GNG7: variants seen among roughly 807,000 people sequenced by gnomAD.
The protein encoded by GNG7 is guanine nucleotide-binding protein G(I)/G(S)/G(O) subunit gamma-7.
Under a neutral mutation model 4.0 loss-of-function variants are expected in GNG7, and 1 was observed. The ratio of observed to expected loss-of-function variants is 0.25; its 90% CI spans 0.09 to 1.18. The LOEUF (loss-of-function observed/expected upper bound fraction) is 1.18, where lower values mean the gene tolerates loss of function less well. Among genes scored for constraint, GNG7 ranks in the 50% most tolerant of loss-of-function variants. The pLI, the probability that GNG7 is intolerant of heterozygous loss-of-function variation, is 0.50. For synonymous variants in GNG7, 34 were observed against 36.9 expected, an observed-to-expected ratio of 0.92 and a Z score of 0.29; for missense variants, 86 against 91.9, an observed-to-expected ratio of 0.94 and a Z score of 0.26.
chr19:2,614,147 A>G lies in GNG7; in HGVS notation c.-78+32077T>C, dbSNP rs1568263214. On this transcript the variant is annotated intron_variant, in intron 2 of 4. Coordinates refer to ENST00000382159, the MANE Select transcript of GNG7 (RefSeq NM_052847.3). The surrounding 1 kb of genome is among the most constrained non-coding windows in gnomAD (Gnocchi z 6.0). ...CCACCCGGTGAACGGCACTGGGAGC[A>G]GACTCAAGAGGCTCGAGAGGTCCCA... is the stretch of plus-strand genomic sequence containing the variant. Among the ~76,000 whole-genome samples the G allele has an allele frequency of 6.6e-6, 1 of 152,184 alleles. No homozygotes were observed. Among genetic ancestry groups the G allele is most frequent in the Non-Finnish European group, 1.5e-5 (1 of 68,024 alleles).
At chr19:2,652,144 T>C (rs1334354798) in intron 1 of GNG7, among the ~76,000 whole-genome samples, 1 of 151,262 alleles carries the variant, frequency 6.6e-6, no homozygotes, top group Non-Finnish European at 1.5e-5. Flanking sequence ...TACTGCACTC[T>C]AGCCTGGACG....
rs540268423 is a variant in GNG7, at chr19:2,650,460, G to A, written c.-134-4180C>T. The stretch of plus-strand genomic sequence containing the variant: ...AGCCTTGGCCTCCCGAAGTTGTTGG[G>A]ATTACAGGCAACAATGATTCCCAGC... On this transcript the variant is annotated intron_variant, in intron 1 of 4. Transcript: ENST00000382159. Among the ~76,000 whole-genome samples the A allele has an allele frequency of 9.9e-3, 1,507 of 152,232 alleles. 16 individuals are homozygous for A. The highest frequency in any genetic ancestry group is 0.013 in the Non-Finnish European group (876 of 68,008).
chr19:2,518,109 C>A (rs940055321), intron 4 of GNG7, among the ~76,000 whole-genome samples: 3 of 152,218 alleles, frequency 2.0e-5, no homozygotes, highest in African/African-American at 7.2e-5. Context: ...GGCACCACCC[C>A]CCATGCCCAC....
intron 1 of GNG7, among the ~76,000 whole-genome samples, chr19:2,649,390 A>ATTATTATTATT (rs1982749681): frequency 6.9e-6 from 1 of 145,796 alleles, no homozygotes; most frequent in Non-Finnish European, 1.5e-5. Context: ...CACCCCTAGG[A>ATTATTATTATT]ATTATTATTA....
chr19:2,571,741 G>A (rs1599398284), intron 2 of GNG7, among the ~76,000 whole-genome samples: 1 of 151,630 alleles, frequency 6.6e-6, no homozygotes, highest in African/African-American at 2.4e-5. Flanking sequence ...GATTATAGGC[G>A]AGTGCCACCA....
At chr19:2,556,530 C>T (rs529069536) in intron 2 of GNG7, among the ~76,000 whole-genome samples, 2 of 152,308 alleles carry the variant, frequency 1.3e-5, no homozygotes, top group South Asian at 4.2e-4. Flanking sequence ...AAAGAAGAGC[C>T]ACATGGCTGC....
Position 2,634,905 on chromosome 19 carries a change from G to T in GNG7, c.-78+11319C>A, listed in dbSNP as rs528143462. ...ATGTTACCAAAAAAAAAAAACCCTCGCCGGGAGAACAAGGAGCTACCAGAA... is the reference window on the plus strand; with the variant it reads ...ATGTTACCAAAAAAAAAAAACCCTCTCCGGGAGAACAAGGAGCTACCAGAA... On this transcript the variant is annotated intron_variant, in intron 2 of 4. Coordinates refer to ENST00000382159, the MANE Select transcript of GNG7 (RefSeq NM_052847.3). This position sits in a 1 kb window ranked among gnomAD's most constrained non-coding sequence, Gnocchi z 5.3. 6.6e-6 allele frequency among the ~76,000 whole-genome samples: 1 copy of T among 151,086 alleles called. No individual in the cohort carries two copies. The highest frequency in any genetic ancestry group is 1.5e-5 in the Non-Finnish European group (1 of 67,844).
intron 1 of GNG7, among the ~76,000 whole-genome samples, chr19:2,677,114 C>T (rs967620902): frequency 1.3e-5 from 2 of 152,104 alleles, no homozygotes; most frequent in African/African-American, 4.8e-5. Context: ...CATATATGCT[C>T]GCAAGAATTC....
At chr19:2,680,205 T>C (rs1174610304) in intron 1 of GNG7, among the ~76,000 whole-genome samples, 5 of 148,570 alleles carry the variant, frequency 3.4e-5, no homozygotes, top group African/African-American at 7.5e-5. Context: ...TGGAGTGCAG[T>C]TGTGCGATCT....
chr19:2,642,550 G>A (rs1982536472), intron 2 of GNG7: 5 of 352,032 alleles, frequency 1.4e-5, no homozygotes, highest in South Asian at 1.1e-4. Flanking sequence ...ATTTTTTGTA[G>A]AGATGGGGTT....
At chr19:2,530,961 G>A (rs1309488940) in intron 3 of GNG7, among the ~76,000 whole-genome samples, 1 of 152,052 alleles carries the variant, frequency 6.6e-6, no homozygotes, top group East Asian at 1.9e-4. Flanking sequence ...GAGAAGGCTT[G>A]GTAAATTCCC....
intron 1 of GNG7, among the ~76,000 whole-genome samples, chr19:2,686,073 G>A (rs928732939): frequency 3.9e-5 from 6 of 152,108 alleles, no homozygotes; most frequent in Non-Finnish European, 4.4e-5. Context: ...TGTGGACCCA[G>A]GGGTGTCATC....
At chr19:2,536,958 T>A (rs188641802) in intron 3 of GNG7, among the ~76,000 whole-genome samples, 94 of 151,058 alleles carry the variant, frequency 6.2e-4, no homozygotes, top group Middle Eastern at 3.4e-3. Context: ...TTTTATTTTT[T>A]TTTTTTGAGA....
intron 2 of GNG7, among the ~76,000 whole-genome samples, chr19:2,572,306 A>C: frequency 6.6e-6 from 1 of 152,086 alleles, no homozygotes; most frequent in East Asian, 1.9e-4. Flanking sequence ...GGTGCATGCC[A>C]CCATGCTTGC....
intron 2 of GNG7, among the ~76,000 whole-genome samples, chr19:2,572,750 T>A (rs1980188805): frequency 6.6e-6 from 1 of 151,834 alleles, no homozygotes; most frequent in South Asian, 2.1e-4. Context: ...TGAACCAGCA[T>A]GCACGGCTAA....
intron 3 of GNG7, among the ~76,000 whole-genome samples, chr19:2,529,406 C>T (rs987040466): frequency 6.6e-6 from 1 of 152,024 alleles, no homozygotes; most frequent in Admixed American, 6.5e-5. Flanking sequence ...TTAGTGGAGA[C>T]AGGGTTTTGC....
At chr19:2,592,388 A>G (rs1222203820) in intron 2 of GNG7, among the ~76,000 whole-genome samples, 1 of 152,146 alleles carries the variant, frequency 6.6e-6, no homozygotes, top group Non-Finnish European at 1.5e-5. Context: ...ATGTGGCAGA[A>G]AACATCACTT....
chr19:2,635,264 G>T (rs1402080266), intron 2 of GNG7, among the ~76,000 whole-genome samples: 1 of 152,208 alleles, frequency 6.6e-6, no homozygotes, highest in Non-Finnish European at 1.5e-5. Flanking sequence ...ATCTCCATCT[G>T]CACCCTCTGC....
At chr19:2,549,855 T>G (rs1979259459) in intron 3 of GNG7, among the ~76,000 whole-genome samples, 1 of 152,236 alleles carries the variant, frequency 6.6e-6, no homozygotes, top group African/African-American at 2.4e-5. Flanking sequence ...GAGTTCGTCT[T>G]GGCCTCTGTC....
Sources: gnomAD v4.1 joint callset for allele counts (sites outside exome capture counted in the v4.1 genomes callset) on GRCh38, gnomAD v4.1.1 for gene constraint, Gnocchi (gnomAD v3.1) non-coding constraint, MANE v1.5 for transcripts, NCBI Gene and HGNC (gene_info 2026-07-23, HGNC 2026-07-21) for gene names.